The following POLN variants were observed in gnomAD, a reference collection of about 807,000 sequenced individuals.
The protein encoded by POLN is DNA polymerase N.
Under a neutral mutation model 113.5 loss-of-function variants are expected in POLN, and 108 were observed. The ratio of observed to expected loss-of-function variants is 0.95; its 90% CI spans 0.81 to 1.12. POLN has a LOEUF of 1.12. Among genes scored for constraint, POLN ranks in the 50% most tolerant of loss-of-function variants. POLN has a pLI of 0.00. For synonymous variants in POLN, 386 were observed against 391.5 expected, an observed-to-expected ratio of 0.99 and a Z score of 0.17; for missense variants, 1,097 against 1,077.1, an observed-to-expected ratio of 1.02 and a Z score of -0.26.
rs576608318 is a variant in POLN at position 2,228,395 on chromosome 4, C to T, written c.133+704G>A. The T allele has an allele frequency of 1.7e-4, 45 of 263,430 alleles. 1 individual carries two copies. The highest frequency in any genetic ancestry group is 1.0e-3 in the South Asian group (32 of 31,940). 16.3% of individuals were successfully genotyped at this position (263,430 alleles called of 1,614,324 possible). A position where few individuals can be genotyped will look rare whatever the true frequency, so the allele number is the denominator to read the frequency against. On this transcript the variant is annotated intron_variant, in intron 3 of 25. Transcript: ENST00000511885. ...AGATAGAGTCTCACTCTGTCGCCCA[C>T]GCTGGAGACCTCAGCTCACTGCAAG...
At chr4:2,172,804 G>A (rs1017157456) in intron 11 of POLN, among the ~76,000 whole-genome samples, 5 of 152,176 alleles carry the variant, frequency 3.3e-5, no homozygotes, top group Non-Finnish European at 7.3e-5. Flanking sequence ...AGCAGCACTA[G>A]TCACCTCACA....
rs1323296158 is a variant in POLN, at chr4:2,093,533, T to TGCCGGGCCCAGGAC, written c.2065+2304_2065+2317dup. ...ATAGGGTTGGGGATCAAGCCCAGGCTGCCGGGCCCAGGACTGGGGAGGTGA... is the reference window on the plus strand; with the variant it reads ...ATAGGGTTGGGGATCAAGCCCAGGCTGCCGGGCCCAGGACGCCGGGCCCAGGACTGGGGAGGTGA... On this transcript the variant is annotated intron_variant, in intron 20 of 25. Transcript: ENST00000511885. The surrounding 1 kb of genome is among the most constrained non-coding windows in gnomAD (Gnocchi z 4.1). Among the ~76,000 whole-genome samples the TGCCGGGCCCAGGAC allele has an allele frequency of 7.9e-5, 12 of 152,192 alleles. No homozygotes were observed. The highest frequency in any genetic ancestry group is 2.9e-4 in the African/African-American group (12 of 41,454).
chr4:2,236,402 A>G, intron 2 of POLN: 2 of 1,613,738 alleles, frequency 1.2e-6, no homozygotes, highest in Non-Finnish European at 1.7e-6. Context: ...CAAGGTTTCC[A>G]TGAGTTAGAA....
intron 17 of POLN, 49 bp from the exon 18 acceptor site, chr4:2,129,305 G>A: frequency 8.7e-7 from 1 of 1,149,004 alleles, no homozygotes; most frequent in Non-Finnish European, 1.3e-6. Flanking sequence ...ATGAACTGAT[G>A]CATAGCTATT....
rs763006409 is a variant in POLN, at chr4:2,198,485, T to C, written c.908+39A>G. The C allele has an allele frequency of 3.9e-6, 6 of 1,533,250 alleles. No individual in the cohort carries two copies. In the African/African-American group the frequency reaches 4.1e-5, roughly 11 times the overall value. 95.0% of individuals were successfully genotyped at this position (1,533,250 alleles called of 1,614,324 possible). A position where few individuals can be genotyped will look rare whatever the true frequency, so the allele number is the denominator to read the frequency against. ...AGTTTCCATTAGTATAAAGCAGGCA[T>C]GTAAGTAGGGTGTGAGCCCATGTGT... On this transcript the variant is annotated intron_variant, in intron 6 of 25. Coordinates refer to ENST00000511885, the MANE Select transcript of POLN (RefSeq NM_181808.4).
intron 24 of POLN, 142 bp from the exon 25 acceptor site, chr4:2,073,171 C>T: frequency 5.4e-6 from 4 of 736,554 alleles, no homozygotes; most frequent in Non-Finnish European, 9.0e-6. Flanking sequence ...TCACCTGAAC[C>T]AGCTGTGGGA....
chr4:2,113,359 A>T (rs1731243464), intron 19 of POLN, among the ~76,000 whole-genome samples: 1 of 152,022 alleles, frequency 6.6e-6, no homozygotes, highest in Non-Finnish European at 1.5e-5. Flanking sequence ...CACATTGTGC[A>T]CATGTACCCT....
chr4:2,241,143 T>C, intron 2 of POLN: 1 of 502,122 alleles, frequency 2.0e-6, no homozygotes, highest in African/African-American at 2.0e-5. Flanking sequence ...CGACAGTGTT[T>C]TTAAAAAGAA....
intron 3 of POLN, chr4:2,227,761 GGACT>G (rs1002067285): frequency 5.3e-5 from 8 of 152,176 alleles, no homozygotes; most frequent in Middle Eastern, 6.8e-3. Context: ...TATATGAGAT[GGACT>G]GACTGTCGTA....
intron 2 of POLN, among the ~76,000 whole-genome samples, chr4:2,238,181 T>G (rs1560105358): frequency 1.3e-5 from 2 of 152,174 alleles, no homozygotes; most frequent in African/African-American, 4.8e-5. Context: ...TCATTCTCAA[T>G]GATTCTCCTG....
Position 2,090,322 on chromosome 4 carries a change from C to A in POLN, c.2066-4578G>T, listed in dbSNP as rs1730636459. 7.4e-6 allele frequency: 6 copies of A among 808,670 alleles called. No individual in the cohort carries two copies. The South Asian group carries it at 1.0e-4, about 14-fold the overall frequency. The allele number at this position is 808,670 out of a possible 1,614,324, so 50.1% of individuals were successfully genotyped here. A position where few individuals can be genotyped will look rare whatever the true frequency, so the allele number is the denominator to read the frequency against. The stretch of plus-strand genomic sequence containing the variant: ...TTCAGAACTGATTCAATCAATATTT[C>A]ATCTGGCACAGCATCTCCAAGTACT... On this transcript the variant is annotated intron_variant, in intron 20 of 25. Coordinates refer to ENST00000511885, the MANE Select transcript of POLN (RefSeq NM_181808.4).
At chr4:2,113,650 G>A (rs938549827) in intron 19 of POLN, among the ~76,000 whole-genome samples, 1 of 151,310 alleles carries the variant, frequency 6.6e-6, no homozygotes, top group African/African-American at 2.4e-5. Flanking sequence ...CTGAGGTCAG[G>A]AGTTTGAGGC....
chr4:2,116,561 A>AC (rs1233681851), intron 19 of POLN, among the ~76,000 whole-genome samples: 5 of 151,564 alleles, frequency 3.3e-5, no homozygotes, highest in Admixed American at 1.3e-4. Context: ...TAAAAAAAAA[A>AC]AACCCAAATC....
intron 15 of POLN, among the ~76,000 whole-genome samples, chr4:2,157,277 T>C (rs553138960): frequency 6.6e-6 from 1 of 152,252 alleles, no homozygotes; most frequent in South Asian, 2.1e-4. Flanking sequence ...CAGTAACATC[T>C]TCCTCAAATG....
intron 5 of POLN, among the ~76,000 whole-genome samples, chr4:2,199,114 C>T (rs1366739234): frequency 6.6e-6 from 1 of 151,990 alleles, no homozygotes; most frequent in Non-Finnish European, 1.5e-5. Flanking sequence ...GATCAAAGCA[C>T]AGAAATTTAA....
At chr4:2,205,643 GGC>G (rs1400681763) in intron 5 of POLN, among the ~76,000 whole-genome samples, 10 of 152,178 alleles carry the variant, frequency 6.6e-5, no homozygotes, top group African/African-American at 2.4e-4. Context: ...GGGAGTCCAA[GGC>G]AGGTGGATCA....
At chr4:2,205,639 C>T (rs1369883027) in intron 5 of POLN, among the ~76,000 whole-genome samples, 1 of 152,132 alleles carries the variant, frequency 6.6e-6, no homozygotes, top group Non-Finnish European at 1.5e-5. Flanking sequence ...CTTTGGGAGT[C>T]CAAGGCAGGT....
chr4:2,150,296 G>T, intron 16 of POLN, among the ~76,000 whole-genome samples: 1 of 151,848 alleles, frequency 6.6e-6, no homozygotes, highest in African/African-American at 2.4e-5. Context: ...CATTTTATTA[G>T]CTAATATTAA....
At chr4:2,158,715 A>C (rs1040955813) in intron 14 of POLN, among the ~76,000 whole-genome samples, 1 of 152,204 alleles carries the variant, frequency 6.6e-6, no homozygotes, top group Non-Finnish European at 1.5e-5. Context: ...AGAGAAAGGG[A>C]ATCACCAGGG....
Sources: allele counts gnomAD v4.1 joint callset (sites outside exome capture counted in the v4.1 genomes callset), GRCh38; gene constraint gnomAD v4.1.1; non-coding constraint Gnocchi (gnomAD v3.1); transcripts MANE v1.5; gene names NCBI Gene and HGNC (gene_info 2026-07-23, HGNC 2026-07-21).